The following EIPR1 variants were observed in gnomAD, a reference collection of about 807,000 sequenced individuals.
EIPR1 encodes the protein EARP complex and GARP complex interacting protein 1.
A neutral mutation model predicts 48.1 loss-of-function variants in EIPR1; 25 were observed. That is an observed-to-expected ratio of 0.52 (90% CI 0.38 to 0.73). EIPR1 has a LOEUF of 0.73. Ranked by LOEUF, EIPR1 falls within the 30% of genes least tolerant of loss-of-function variation. The probability of loss-of-function intolerance (pLI) is 0.00; values close to 1 mark genes in which losing one functional copy is unlikely to be tolerated. For synonymous variants in EIPR1, 204 were observed against 201.9 expected, an observed-to-expected ratio of 1.01 and a Z score of -0.09; for missense variants, 415 against 506.2, an observed-to-expected ratio of 0.82 and a Z score of 1.73.
Position 3,264,670 on chromosome 2 carries a change from T to C in EIPR1, c.260-7215A>G, listed in dbSNP as rs538525971. ...ACCCCCATTCCTTTGCAAAACACTA[T>C]GAACCAATGCTGTTTTTGTTTGTTT... is the stretch of plus-strand genomic sequence containing the variant. On this transcript the variant is annotated intron_variant, in intron 3 of 8. Coordinates refer to ENST00000382125, the MANE Select transcript of EIPR1 (RefSeq NM_003310.5). 2.0e-5 allele frequency among the ~76,000 whole-genome samples: 3 copies of C among 152,302 alleles called. No individual in the cohort carries two copies. The South Asian group carries it at 6.2e-4, about 32-fold the overall frequency.
chr2:3,376,698 A>G (rs1052346694), intron 1 of EIPR1, among the ~76,000 whole-genome samples: 1 of 152,140 alleles, frequency 6.6e-6, no homozygotes, highest in Non-Finnish European at 1.5e-5. Flanking sequence ...CTCAAAAAAA[A>G]AAAAAAAAAG....
At chr2:3,342,708 C>G (rs564219103) in intron 2 of EIPR1, among the ~76,000 whole-genome samples, 215 of 152,344 alleles carry the variant, frequency 1.4e-3, no homozygotes, top group African/African-American at 4.9e-3. Context: ...TTCCAGCCAG[C>G]GAGCACGCAC....
At chr2:3,368,000 G>A (rs369195876) in intron 1 of EIPR1, among the ~76,000 whole-genome samples, 33 of 152,204 alleles carry the variant, frequency 2.2e-4, no homozygotes, top group Middle Eastern at 6.8e-3. Context: ...AGTTGAGATC[G>A]CGCCACTGCA....
At chr2:3,374,742 G>C (rs1453401286) in intron 1 of EIPR1, among the ~76,000 whole-genome samples, 1 of 143,334 alleles carries the variant, frequency 7.0e-6, no homozygotes, top group Non-Finnish European at 1.5e-5. Flanking sequence ...AGGTGCTGGA[G>C]AGGATGTGGA....
At chr2:3,329,230 G>A (rs13004833) in intron 3 of EIPR1, among the ~76,000 whole-genome samples, 207 of 37,866 alleles carry the variant, frequency 5.5e-3, no homozygotes, top group East Asian at 0.049. Context: ...CCAGGCTCTA[G>A]TGATCTCAGG....
At chr2:3,337,971 T>A in intron 3 of EIPR1, 46 bp downstream of exon 3, 1 of 1,557,278 alleles carries the variant, frequency 6.4e-7, no homozygotes. Flanking sequence ...AGGAAATACC[T>A]CCAGTTACCT....
chr2:3,317,242 G>A (rs1669336419), intron 3 of EIPR1, among the ~76,000 whole-genome samples: 1 of 151,780 alleles, frequency 6.6e-6, no homozygotes, highest in South Asian at 2.1e-4. Context: ...TGACCAAGCT[G>A]AGGACCTACT....
At chr2:3,214,092 A>G (rs1665545437) in intron 5 of EIPR1, 57 bp downstream of exon 5, 6 of 1,512,970 alleles carry the variant, frequency 4.0e-6, no homozygotes, top group Non-Finnish European at 5.5e-6. Context: ...GAGTGAGAAC[A>G]TGCGGGGTTT....
At chr2:3,254,877 G>C (rs1397969330) in intron 4 of EIPR1, among the ~76,000 whole-genome samples, 1 of 152,194 alleles carries the variant, frequency 6.6e-6, no homozygotes, top group African/African-American at 2.4e-5. Context: ...ATCTGTGTAA[G>C]TTCAGTGGGC....
At chr2:3,335,884 C>T (rs1447350196) in intron 3 of EIPR1, among the ~76,000 whole-genome samples, 1 of 152,172 alleles carries the variant, frequency 6.6e-6, no homozygotes, top group Non-Finnish European at 1.5e-5. Context: ...AACTGTGAGT[C>T]CATTAAACCT....
chr2:3,287,562 C>T (rs1016342064), intron 3 of EIPR1, among the ~76,000 whole-genome samples: 4 of 151,302 alleles, frequency 2.6e-5, no homozygotes, highest in African/African-American at 4.9e-5. Context: ...ATCTAGAAAG[C>T]GCGTTCACCA....
intron 3 of EIPR1, among the ~76,000 whole-genome samples, chr2:3,324,391 G>A (rs1558298694): frequency 6.6e-6 from 1 of 152,232 alleles, no homozygotes; most frequent in African/African-American, 2.4e-5. Context: ...CCCGGGCAGT[G>A]GCCCAGTGCT....
rs529688781 is a variant in EIPR1 at position 3,223,614 on chromosome 2, T to TCTAG, written c.417-9367_417-9366insCTAG. 3.7e-4 allele frequency among the ~76,000 whole-genome samples: 56 copies of TCTAG among 152,350 alleles called. No individual in the cohort carries two copies. The East Asian group carries it at 6.0e-3, about 16-fold the overall frequency. The stretch of plus-strand genomic sequence containing the variant: ...ACCCTAGAACCCCATGGAAAGGGTT[T>TCTAG]GCTACTCAGTATCCAAAGCGCCCCA... On this transcript the variant is annotated intron_variant, in intron 4 of 8. Coordinates refer to ENST00000382125, the MANE Select transcript of EIPR1 (RefSeq NM_003310.5).
At chr2:3,301,901 T>G (rs1445117973) in intron 3 of EIPR1, among the ~76,000 whole-genome samples, 1 of 152,222 alleles carries the variant, frequency 6.6e-6, no homozygotes, top group Non-Finnish European at 1.5e-5. Flanking sequence ...ACATCTGGGC[T>G]TCTCACTTCT....
At chr2:3,192,633 C>A in intron 7 of EIPR1, 52 bp from the exon 8 acceptor site, 1 of 1,585,052 alleles carries the variant, frequency 6.3e-7, no homozygotes, top group South Asian at 1.1e-5. Flanking sequence ...CAGGCAACAC[C>A]AACAATGGAT....
intron 6 of EIPR1, 35 bp from the exon 7 acceptor site, chr2:3,194,201 T>C: frequency 6.2e-7 from 1 of 1,609,256 alleles, no homozygotes; most frequent in Non-Finnish European, 8.5e-7. Context: ...AGGAAAATAG[T>C]AAATGGATTA....
chr2:3,280,622 A>T (rs562384727), intron 3 of EIPR1, among the ~76,000 whole-genome samples: 20 of 152,328 alleles, frequency 1.3e-4, no homozygotes, highest in African/African-American at 4.8e-4. Context: ...TAAGTCAGCT[A>T]CAAGTATCCG....
intron 1 of EIPR1, among the ~76,000 whole-genome samples, chr2:3,368,802 T>G (rs750674712): frequency 1.1e-4 from 17 of 152,230 alleles, no homozygotes; most frequent in Admixed American, 2.6e-4. Context: ...AAATATCATT[T>G]GAAATTTCAT....
Position 3,214,248 on chromosome 2 carries a change from A to G in EIPR1, c.417T>C (p.Cys139=), listed in dbSNP as rs1665553066. Residue 139 remains cysteine, a splice_region_variant and synonymous_variant, in exon 5 of 9, where the codon TGT becomes TGC. Transcript: ENST00000382125. ...LDNTAHGNMA[C]VVWEPMGDGK... ...CATCTCCCATTGGCTCCCACACGAC[A>G]CTAAGAGAAAGAGAAGTACCAAATG... 6.2e-7 allele frequency: 1 copy of G among 1,612,974 alleles called. No homozygotes were observed. Among genetic ancestry groups the G allele is most frequent in the Admixed American group, 1.7e-5 (1 of 59,924 alleles).
Sources: gnomAD v4.1 joint callset for allele counts (sites outside exome capture counted in the v4.1 genomes callset) on GRCh38, gnomAD v4.1.1 for gene constraint, MANE v1.5 for transcripts, NCBI Gene and HGNC (gene_info 2026-07-23, HGNC 2026-07-21) for gene names.